Variants in CADM2 observed in about 807,000 individuals in gnomAD.
CADM2 encodes the protein cell adhesion molecule 2, also known as immunoglobulin superfamily member 4D.
CADM2 carries 12 observed loss-of-function variants against 49.8 expected under a neutral mutation model. The ratio of observed to expected loss-of-function variants is 0.24; its 90% CI spans 0.15 to 0.39. The LOEUF is 0.39. Ranked by LOEUF, CADM2 falls within the 10% of genes least tolerant of loss-of-function variation. The probability of loss-of-function intolerance (pLI) is 1.00; values close to 1 mark genes in which losing one functional copy is unlikely to be tolerated. For missense variants in CADM2, 378 were observed against 492.3 expected, an observed-to-expected ratio of 0.77 and a Z score of 2.20; for synonymous variants, 214 against 175.4, an observed-to-expected ratio of 1.22 and a Z score of -1.74.
At chr3:85,010,429 A>G (rs544654674) in intron 1 of CADM2, among the ~76,000 whole-genome samples, 6 of 152,302 alleles carry the variant, frequency 3.9e-5, no homozygotes, top group African/African-American at 1.4e-4. Flanking sequence ...TAAAATGAAC[A>G]GAATAACTTA....
chr3:85,884,976 C>CTAAA (rs1553702321), intron 4 of CADM2, among the ~76,000 whole-genome samples: 1 of 150,622 alleles, frequency 6.6e-6, no homozygotes, highest in African/African-American at 2.4e-5. Context: ...CCTCGGCCTC[C>CTAAA]CAAAGTGTTG....
At chr3:85,638,985 A>G (rs996421296) in intron 1 of CADM2, among the ~76,000 whole-genome samples, 2 of 152,204 alleles carry the variant, frequency 1.3e-5, no homozygotes, top group East Asian at 1.9e-4. Flanking sequence ...AACAATATTT[A>G]TGATTCTGAA....
At chr3:85,191,534 A>G (rs192447311) in intron 1 of CADM2, among the ~76,000 whole-genome samples, 54 of 152,204 alleles carry the variant, frequency 3.5e-4, no homozygotes, top group South Asian at 1.2e-3. Context: ...TAATTTACTC[A>G]AAGTTGGGAT....
chr3:85,304,939 T>A (rs542931866), intron 1 of CADM2, among the ~76,000 whole-genome samples: 1 of 151,870 alleles, frequency 6.6e-6, no homozygotes, highest in East Asian at 1.9e-4. Context: ...AATTATTATT[T>A]GTCAATGAAG....
intron 6 of CADM2, among the ~76,000 whole-genome samples, chr3:85,930,223 A>T (rs570194739): frequency 3.5e-4 from 53 of 152,274 alleles, no homozygotes; most frequent in African/African-American, 1.3e-3. Flanking sequence ...TTTTAACAAC[A>T]TAGAAAATTG....
chr3:85,628,476 T>C, intron 1 of CADM2, among the ~76,000 whole-genome samples: 1 of 150,604 alleles, frequency 6.6e-6, no homozygotes. Flanking sequence ...GAGGGATTTT[T>C]ATAGTCTCTC....
chr3:85,092,901 T>C (rs1490176345), intron 1 of CADM2, among the ~76,000 whole-genome samples: 1 of 152,226 alleles, frequency 6.6e-6, no homozygotes, highest in African/African-American at 2.4e-5. Flanking sequence ...GCTTTGAATT[T>C]ACCTTTGTCA....
intron 1 of CADM2, among the ~76,000 whole-genome samples, chr3:85,304,250 C>T (rs2044164389): frequency 6.6e-6 from 1 of 151,750 alleles, no homozygotes; most frequent in South Asian, 2.1e-4. Flanking sequence ...ACGTGTTATT[C>T]TTACCGTACT....
chr3:85,778,814 C>T (rs529440857), intron 2 of CADM2, among the ~76,000 whole-genome samples: 1 of 152,258 alleles, frequency 6.6e-6, no homozygotes, highest in East Asian at 1.9e-4. Context: ...TCTCCTAACA[C>T]TGCTTTAGTT....
At chr3:86,000,638 C>G (rs1228716989) in intron 8 of CADM2, among the ~76,000 whole-genome samples, 1 of 150,614 alleles carries the variant, frequency 6.6e-6, no homozygotes, top group African/African-American at 2.4e-5. Context: ...AGGAGTCTTT[C>G]ACGGATAGGA....
chr3:85,686,414 T>C (rs1264833840), intron 1 of CADM2, among the ~76,000 whole-genome samples: 2 of 151,338 alleles, frequency 1.3e-5, no homozygotes, highest in Non-Finnish European at 2.9e-5. Context: ...ATTAAATAGC[T>C]ACAAATATTT....
At chr3:85,449,167 T>C (rs1449828376) in intron 1 of CADM2, among the ~76,000 whole-genome samples, 1 of 151,250 alleles carries the variant, frequency 6.6e-6, no homozygotes, top group Non-Finnish European at 1.5e-5. Flanking sequence ...TAATTCAGTC[T>C]TCAGCGTTTC....
intron 1 of CADM2, among the ~76,000 whole-genome samples, chr3:85,375,978 A>G (rs1299237976): frequency 6.6e-6 from 1 of 152,182 alleles, no homozygotes; most frequent in Non-Finnish European, 1.5e-5. Context: ...GTCACTGGAT[A>G]CATATGATCA....
chr3:85,523,786 A>G (rs1198431921), intron 1 of CADM2, among the ~76,000 whole-genome samples: 1 of 152,042 alleles, frequency 6.6e-6, no homozygotes, highest in Admixed American at 6.6e-5. Context: ...ATAGAACAAT[A>G]TGGGGTCTAT....
intron 1 of CADM2, among the ~76,000 whole-genome samples, chr3:85,281,192 T>C (rs913002703): frequency 6.6e-6 from 1 of 151,846 alleles, no homozygotes; most frequent in African/African-American, 2.4e-5. Context: ...CATTGAATAG[T>C]AACAATAAAT....
At chr3:85,415,837 A>G (rs908844638) in intron 1 of CADM2, among the ~76,000 whole-genome samples, 1 of 152,152 alleles carries the variant, frequency 6.6e-6, no homozygotes, top group Non-Finnish European at 1.5e-5. Flanking sequence ...TGTCAGCATC[A>G]TGCATAAATA....
At chr3:85,511,361 CAG>C in intron 1 of CADM2, among the ~76,000 whole-genome samples, 1 of 152,204 alleles carries the variant, frequency 6.6e-6, no homozygotes, top group African/African-American at 2.4e-5. Context: ...AATTTGCAAA[CAG>C]TGTAATTCTT....
At chr3:85,997,681 G>T (rs1374707268) in intron 8 of CADM2, among the ~76,000 whole-genome samples, 7 of 152,270 alleles carry the variant, frequency 4.6e-5, no homozygotes, top group East Asian at 1.9e-4. Flanking sequence ...ATAGGGAAAA[G>T]ATGATGTTTT....
chr3:86,027,044 A>G (rs1030082244), intron 8 of CADM2, among the ~76,000 whole-genome samples: 1 of 152,208 alleles, frequency 6.6e-6, no homozygotes, highest in East Asian at 1.9e-4. Context: ...ACAATTCAGA[A>G]GGAAGAATAA....
Sources: gnomAD v4.1 joint callset for allele counts (sites outside exome capture counted in the v4.1 genomes callset) on GRCh38, gnomAD v4.1.1 for gene constraint, MANE v1.5 for transcripts, NCBI Gene and HGNC (gene_info 2026-07-23, HGNC 2026-07-21) for gene names.